GRK7: variants seen among roughly 807,000 people sequenced by gnomAD.
GRK7 encodes G protein-coupled receptor kinase 7, also known as rhodopsin kinase GRK7.
In GRK7, 24 loss-of-function variants were observed where a neutral mutation model predicts 34.1. The ratio of observed to expected loss-of-function variants is 0.70; its 90% CI spans 0.51 to 0.99. The LOEUF (loss-of-function observed/expected upper bound fraction) is 0.99, where lower values mean the gene tolerates loss of function less well. Ranked by LOEUF, GRK7 falls within the 50% of genes least tolerant of loss-of-function variation. The probability of loss-of-function intolerance (pLI) is 0.00; values close to 1 mark genes in which losing one functional copy is unlikely to be tolerated. For missense variants in GRK7, 644 were observed against 707.3 expected (o/e 0.91, Z 1.02); for synonymous variants, 256 against 279.4 (o/e 0.92, Z 0.84).
intron 4 of GRK7, among the ~76,000 whole-genome samples, chr3:141,781,150 C>T (rs2084670739): frequency 6.6e-6 from 1 of 152,042 alleles, no homozygotes; most frequent in Admixed American, 6.5e-5. Context: ...TGTTCCTGAG[C>T]CAATAGAGCC....
Position 141,798,998 on chromosome 3 carries a change from G to A in GRK7, c.1051-8647G>A, listed in dbSNP as rs1710922374. On this transcript the variant is annotated intron_variant, in intron 4 of 5. Transcript: ENST00000682958. ...GGGGGTCTACAGTGCTGTAAAGATGGCAGGCCAATTCTTTACTTATTTCCT... is the reference window on the plus strand; with the variant it reads ...GGGGGTCTACAGTGCTGTAAAGATGACAGGCCAATTCTTTACTTATTTCCT... Among the ~76,000 whole-genome samples, 2 of 152,174 alleles carry A rather than the reference G, an allele frequency of 1.3e-5. 1 individual carries two copies. Among genetic ancestry groups the A allele is most frequent in the South Asian group, 4.1e-4 (2 of 4,822 alleles).
chr3:141,804,619 TCATA>T (rs1034743535), intron 4 of GRK7, among the ~76,000 whole-genome samples: 2 of 148,412 alleles, frequency 1.3e-5, no homozygotes, highest in African/African-American at 2.5e-5. Flanking sequence ...ATACACACGC[TCATA>T]CATACACACA....
At chr3:141,788,494 A>C (rs563531975) in intron 4 of GRK7, among the ~76,000 whole-genome samples, 1 of 152,254 alleles carries the variant, frequency 6.6e-6, no homozygotes, top group East Asian at 1.9e-4. Context: ...TTCTCTTAAA[A>C]TGGGGCTGTC....
chr3:141,786,003 A>G (rs1460423012), intron 4 of GRK7, among the ~76,000 whole-genome samples: 1 of 152,096 alleles, frequency 6.6e-6, no homozygotes, highest in Non-Finnish European at 1.5e-5. Flanking sequence ...GCAACTCCAA[A>G]TATTGAGTCT....
At chr3:141,755,772 C>T in the GRK7 span, among the ~76,000 whole-genome samples, 1 of 152,118 alleles carries the variant, frequency 6.6e-6, no homozygotes, top group Non-Finnish European at 1.5e-5. Flanking sequence ...GGAAAACAGG[C>T]AGTTATTTTT....
chr3:141,794,023 G>C (rs2084738009), intron 4 of GRK7, among the ~76,000 whole-genome samples: 1 of 152,076 alleles, frequency 6.6e-6, no homozygotes, highest in South Asian at 2.1e-4. Context: ...CCCTGCACCT[G>C]AGTCCAGGCC....
At chr3:141,762,437 G>A (rs1478872593), upstream of GRK7, among the ~76,000 whole-genome samples, 67 of 148,064 alleles carry the variant, frequency 4.5e-4, no homozygotes, top group East Asian at 0.013. Flanking sequence ...GGGGGTCAGG[G>A]GTCAGGGACC....
At chr3:141,815,699 CTGTGTG>C (rs61336912) in intron 5 of GRK7, among the ~76,000 whole-genome samples, 22 of 145,912 alleles carry the variant, frequency 1.5e-4, no homozygotes, top group African/African-American at 2.0e-4. Flanking sequence ...CTATTTTGAG[CTGTGTG>C]TGTGTGTGTG....
In GRK7 at chr3:141,778,212, C is replaced by A. The variant is rs1011157208; in HGVS notation, c.-73C>A. ...GTAAATCCCTTGGACGTTGTCTCAC[C>A]CGGGAAGGGAAAGCAGCCAGCAGCC... On this transcript the variant is annotated 5_prime_UTR_variant, in exon 3 of 6. Transcript: ENST00000682958. This position sits in a 1 kb window ranked among gnomAD's most constrained non-coding sequence, Gnocchi z 4.1. 3 of 1,506,026 alleles carry A rather than the reference C, an allele frequency of 2.0e-6. No homozygotes were observed. The Admixed American group carries it at 6.7e-5, about 34-fold the overall frequency. 93.3% of individuals were successfully genotyped at this position (1,506,026 alleles called of 1,614,324 possible). A position where few individuals can be genotyped will look rare whatever the true frequency, so the allele number is the denominator to read the frequency against.
In GRK7 at chr3:141,819,023, G is replaced by A. The variant is rs1711183188; in HGVS notation, c.*1973G>A. ...TTAGATTTCTGTGTCACCAAAGCAG[G>A]ATAGAAGTGTGCCCAGGAGATTTTT... On this transcript the variant is annotated 3_prime_UTR_variant, in exon 6 of 6. Coordinates refer to ENST00000682958, the MANE Select transcript of GRK7 (RefSeq NM_139209.3). 6.6e-6 allele frequency among the ~76,000 whole-genome samples: 1 copy of A among 151,976 alleles called. No individual in the cohort carries two copies. Among genetic ancestry groups the A allele is most frequent in the African/African-American group, 2.4e-5 (1 of 41,318 alleles).
chr3:141,781,808 A>G (rs991135081), intron 4 of GRK7, among the ~76,000 whole-genome samples: 5 of 152,242 alleles, frequency 3.3e-5, no homozygotes, highest in Non-Finnish European at 5.9e-5. Context: ...TAATTAAGCG[A>G]TTATGTTAGG....
intron 1 of GRK7, among the ~76,000 whole-genome samples, chr3:141,767,298 T>C (rs1318865893): frequency 1.3e-5 from 2 of 152,222 alleles, no homozygotes; most frequent in Non-Finnish European, 2.9e-5. Context: ...ACAATGATTG[T>C]TTCATTATCA....
intron 4 of GRK7, among the ~76,000 whole-genome samples, chr3:141,791,736 G>A (rs548146172): frequency 3.0e-4 from 45 of 152,256 alleles, no homozygotes; most frequent in Non-Finnish European, 5.7e-4. Context: ...AGGTGCCGTG[G>A]CTCATGCCTG....
the GRK7 span, among the ~76,000 whole-genome samples, chr3:141,751,173 A>G: frequency 6.6e-6 from 1 of 152,230 alleles, no homozygotes; most frequent in Non-Finnish European, 1.5e-5. Flanking sequence ...GGAGATGCCT[A>G]CCAACTATGT....
intron 2 of GRK7, among the ~76,000 whole-genome samples, chr3:141,776,603 G>A (rs1409639525): frequency 6.6e-6 from 1 of 152,192 alleles, no homozygotes; most frequent in African/African-American, 2.4e-5. Flanking sequence ...CGTTTCCAGC[G>A]CAGCGGTGCA....
the GRK7 span, among the ~76,000 whole-genome samples, chr3:141,756,331 G>GAGC: frequency 7.2e-6 from 1 of 139,840 alleles, no homozygotes; most frequent in East Asian, 2.2e-4. Context: ...AAAAAAGGTG[G>GAGC]GGGGGTGAAA....
chr3:141,788,172 G>C (rs963793570), intron 4 of GRK7, among the ~76,000 whole-genome samples: 1 of 152,184 alleles, frequency 6.6e-6, no homozygotes, highest in African/African-American at 2.4e-5. Flanking sequence ...GGGGGCACAG[G>C]CCCTTTCTCG....
chr3:141,812,819 CA>C (rs910510277), intron 5 of GRK7, among the ~76,000 whole-genome samples: 6 of 152,184 alleles, frequency 3.9e-5, no homozygotes, highest in African/African-American at 1.4e-4. Context: ...TCCATTTACT[CA>C]TGTGAAAGCT....
chr3:141,756,008 TAA>T, the GRK7 span, among the ~76,000 whole-genome samples: 18,790 of 137,368 alleles, frequency 0.14, 2,189 homozygotes, highest in African/African-American at 0.32. Flanking sequence ...CTCAGCAGTT[TAA>T]AAAAAAAAAA....
Sources: allele counts gnomAD v4.1 joint callset (sites outside exome capture counted in the v4.1 genomes callset), GRCh38; gene constraint gnomAD v4.1.1; non-coding constraint Gnocchi (gnomAD v3.1); transcripts MANE v1.5; gene names NCBI Gene and HGNC (gene_info 2026-07-23, HGNC 2026-07-21).